Variants in DUOXA1 observed in about 807,000 individuals in gnomAD.
DUOXA1 encodes the protein dual oxidase maturation factor 1.
DUOXA1 carries 19 observed loss-of-function variants against 26.6 expected under a neutral mutation model. The observed-to-expected ratio is 0.71, with a 90% CI of 0.50 to 1.05. The LOEUF (loss-of-function observed/expected upper bound fraction) is 1.05. Among genes scored for constraint, DUOXA1 ranks in the 50% least tolerant of loss-of-function variants. The pLI is 0.00. For missense variants in DUOXA1, 403 were observed against 427.5 expected (o/e 0.94, Z 0.51); for synonymous variants, 166 against 177.0 (o/e 0.94, Z 0.49).
intron 3 of DUOXA1, among the ~76,000 whole-genome samples, chr15:45,125,239 C>T (rs1271528064): frequency 6.6e-6 from 1 of 152,166 alleles, no homozygotes; most frequent in Admixed American, 6.5e-5. Flanking sequence ...TCCTATTCTG[C>T]GAATCCATCC....
chr15:45,117,650 G>C lies in DUOXA1; in HGVS notation c.*1456C>G. ...AAGGTCGTTTGAGGCCAGAGTTCGA[G>C]ACCAGCCTGGGCAACATAGCCCTGA... On this transcript the variant is annotated 3_prime_UTR_variant, in exon 9 of 9. Coordinates refer to ENST00000560572, the MANE Select transcript of DUOXA1 (RefSeq NM_001276266.2). 1 of 1,613,810 alleles carries C rather than the reference G, an allele frequency of 6.2e-7. No homozygotes were observed. Among genetic ancestry groups the C allele is most frequent in the East Asian group, 2.2e-5 (1 of 44,874 alleles).
intron 7 of DUOXA1, 93 bp from the exon 8 acceptor site, chr15:45,120,413 G>C (rs1051784648): frequency 6.6e-7 from 1 of 1,519,698 alleles, no homozygotes; most frequent in African/African-American, 1.4e-5. Context: ...GGACCCAAGA[G>C]TGACCCAAAG....
At chr15:45,123,120 A>C (rs914499773) in intron 3 of DUOXA1, 77 bp from the exon 4 acceptor site, 1 of 1,354,798 alleles carries the variant, frequency 7.4e-7, no homozygotes, top group African/African-American at 1.5e-5. Flanking sequence ...GATACAGCAC[A>C]GAATGAGCCA....
chr15:45,126,755 A>C (rs1895710750), intron 3 of DUOXA1, among the ~76,000 whole-genome samples: 1 of 152,202 alleles, frequency 6.6e-6, no homozygotes, highest in Non-Finnish European at 1.5e-5. Context: ...CACAAGGGGG[A>C]GCTATGCTCC....
At position 45,117,832 on chromosome 15, in the gene DUOXA1, T is replaced by C. The variant is rs1355720377; in HGVS notation, c.*1274A>G. ...GGACTGCAGCCAGGAGAGAGGGGGC[T>C]CACCTCTTATCCTCGGCGACCCACT... On this transcript the variant is annotated 3_prime_UTR_variant, in exon 9 of 9. Transcript: ENST00000560572. 6.2e-7 allele frequency: 1 copy of C among 1,613,670 alleles called. No homozygotes were observed. Among genetic ancestry groups the C allele is most frequent in the Non-Finnish European group, 8.5e-7 (1 of 1,180,048 alleles).
intron 3 of DUOXA1, among the ~76,000 whole-genome samples, chr15:45,126,431 C>A (rs1401338949): frequency 6.6e-6 from 1 of 152,228 alleles, no homozygotes; most frequent in African/African-American, 2.4e-5. Flanking sequence ...TTGGCAAATG[C>A]CTTTTCACCC....
chr15:45,126,308 C>A (rs562208193), intron 3 of DUOXA1, among the ~76,000 whole-genome samples: 5 of 152,214 alleles, frequency 3.3e-5, no homozygotes, highest in Admixed American at 3.3e-4. Flanking sequence ...TTTTGCCCAG[C>A]CTAGTCTATA....
intron 7 of DUOXA1, 108 bp from the exon 8 acceptor site, chr15:45,120,428 G>A: frequency 1.3e-6 from 2 of 1,482,036 alleles, no homozygotes; most frequent in Non-Finnish European, 1.9e-6. Flanking sequence ...CCAAAGATAT[G>A]AGGTAGGGAT....
chr15:45,119,402 T>C (rs759103122), intron 8 of DUOXA1, 37 bp from the exon 9 acceptor site: 6 of 1,564,752 alleles, frequency 3.8e-6, no homozygotes, highest in Non-Finnish European at 4.4e-6. Flanking sequence ...ACCTTAGTGC[T>C]AGTAACACCT....
At position 45,117,825 on chromosome 15, in the gene DUOXA1, AG is replaced by A; in HGVS notation, c.*1280del. ...GCGCCAAGGACTGCAGCCAGGAGAG[AG>A]GGGGCTCACCTCTTATCCTCGGCGA... is the stretch of plus-strand genomic sequence containing the variant. On this transcript the variant is annotated 3_prime_UTR_variant, in exon 9 of 9. Coordinates refer to ENST00000560572, the MANE Select transcript of DUOXA1 (RefSeq NM_001276266.2). 4 of 1,613,840 alleles carry A rather than the reference AG, an allele frequency of 2.5e-6. No individual in the cohort carries two copies. Among genetic ancestry groups the A allele is most frequent in the Non-Finnish European group, 3.4e-6 (4 of 1,180,008 alleles).
In DUOXA1 at chr15:45,122,939, T is replaced by G. The variant is rs751723143; in HGVS notation, c.76A>C (p.Ser26Arg). Residue 26 changes from serine to arginine, a missense_variant, in exon 4 of 9, where the codon AGC becomes CGC. Ser to Arg is a moderately radical substitution (Grantham distance 110). Transcript: ENST00000560572. ...GCAGTCAGAAAGATCATGATGATGC[T>G]GGCCAAAGTGGTGTCCATCGGGAAG... is the stretch of plus-strand genomic sequence containing the variant. Reference protein sequence around the residue: ...PTFPMDTTLASIIMIFLTALA... With the variant: ...PTFPMDTTLARIIMIFLTALA... The G allele has an allele frequency of 6.2e-7, 1 of 1,613,376 alleles. No individual in the cohort carries two copies. Among genetic ancestry groups the G allele is most frequent in the Non-Finnish European group, 8.5e-7 (1 of 1,179,768 alleles).
Position 45,119,058 on chromosome 15 carries a change from G to A in DUOXA1, c.*48C>T. 1 of 1,537,022 alleles carries A rather than the reference G, an allele frequency of 6.5e-7. No homozygotes were observed. Among genetic ancestry groups the A allele is most frequent in the Non-Finnish European group, 8.8e-7 (1 of 1,135,762 alleles). On this transcript the variant is annotated 3_prime_UTR_variant, in exon 9 of 9. Transcript: ENST00000560572. The stretch of plus-strand genomic sequence containing the variant: ...TGCTGGTTTTATGGGGCGCCAATGA[G>A]GTTTGGAGCCAGACTGGAAGTCCAG...
chr15:45,121,720 T>C (rs1895225826), intron 5 of DUOXA1, among the ~76,000 whole-genome samples: 1 of 152,220 alleles, frequency 6.6e-6, no homozygotes, highest in African/African-American at 2.4e-5. Flanking sequence ...TTCCCCCATG[T>C]TGGTCAGGCT....
intron 6 of DUOXA1, 102 bp from the exon 7 acceptor site, chr15:45,120,907 A>C: frequency 6.7e-7 from 1 of 1,502,990 alleles, no homozygotes; most frequent in Admixed American, 1.8e-5. Context: ...AGTGGTCTCA[A>C]CTGAGAGAAG....
chr15:45,125,312 C>T (rs969446179), intron 3 of DUOXA1, among the ~76,000 whole-genome samples: 1 of 152,154 alleles, frequency 6.6e-6, no homozygotes, highest in African/African-American at 2.4e-5. Context: ...TGTCCCCCTT[C>T]CCATCATAGC....
rs755140602 is a variant in DUOXA1, at chr15:45,117,639, C to T, written c.*1467G>A. On this transcript the variant is annotated 3_prime_UTR_variant, in exon 9 of 9. Coordinates refer to ENST00000560572, the MANE Select transcript of DUOXA1 (RefSeq NM_001276266.2). ...GTCGAGGCAGGAAGGTCGTTTGAGG[C>T]CAGAGTTCGAGACCAGCCTGGGCAA... The T allele has an allele frequency of 3.2e-5, 51 of 1,613,644 alleles. No homozygotes were observed. The highest frequency in any genetic ancestry group is 4.1e-5 in the Non-Finnish European group (48 of 1,179,886).
chr15:45,121,284 C>A (rs1895177207), intron 5 of DUOXA1, 63 bp from the exon 6 acceptor site: 4 of 1,609,822 alleles, frequency 2.5e-6, no homozygotes, highest in Non-Finnish European at 2.5e-6. Context: ...AGGTTAGAGT[C>A]AGAAGGAGAA....
chr15:45,121,730 T>C (rs926771309), intron 5 of DUOXA1, among the ~76,000 whole-genome samples: 4 of 152,232 alleles, frequency 2.6e-5, no homozygotes, highest in Non-Finnish European at 4.4e-5. Flanking sequence ...TTGGTCAGGC[T>C]GATCTCGAAC....
chr15:45,125,752 C>A (rs1895630242), intron 3 of DUOXA1, among the ~76,000 whole-genome samples: 1 of 152,176 alleles, frequency 6.6e-6, no homozygotes, highest in Non-Finnish European at 1.5e-5. Context: ...TCTACTAGTT[C>A]TTTTTCCTCC....
Sources: gnomAD v4.1 joint callset for allele counts (sites outside exome capture counted in the v4.1 genomes callset) on GRCh38, gnomAD v4.1.1 for gene constraint, MANE v1.5 for transcripts, NCBI Gene and HGNC (gene_info 2026-07-23, HGNC 2026-07-21) for gene names.